Variants in NXPH1 observed in about 807,000 individuals in gnomAD.
The protein encoded by NXPH1 is neurexophilin 1.
A neutral mutation model predicts 23.7 loss-of-function variants in NXPH1; 5 were observed. That is an observed-to-expected ratio of 0.21 (90% CI 0.11 to 0.44). NXPH1 has a LOEUF of 0.44. Ranked by LOEUF, NXPH1 falls within the 20% of genes least tolerant of loss-of-function variation. The probability of loss-of-function intolerance (pLI) is 0.99; values close to 1 mark genes in which losing one functional copy is unlikely to be tolerated. For missense variants in NXPH1, 324 were observed against 321.6 expected, an observed-to-expected ratio of 1.01 and a Z score of -0.06; for synonymous variants, 144 against 122.2, an observed-to-expected ratio of 1.18 and a Z score of -1.18.
intron 2 of NXPH1, among the ~76,000 whole-genome samples, chr7:8,584,093 A>G (rs1399692921): frequency 6.6e-6 from 1 of 152,214 alleles, no homozygotes; most frequent in Non-Finnish European, 1.5e-5. Context: ...TATTAACTCA[A>G]TTAATATTCA....
chr7:8,522,557 GT>G (rs557902892), intron 2 of NXPH1, among the ~76,000 whole-genome samples: 334 of 152,094 alleles, frequency 2.2e-3, no homozygotes, highest in African/African-American at 7.3e-3. Context: ...CTCTAGCACC[GT>G]TTTTTTAAAG....
At chr7:8,717,563 C>A (rs1779897645) in intron 2 of NXPH1, among the ~76,000 whole-genome samples, 1 of 152,114 alleles carries the variant, frequency 6.6e-6, no homozygotes. Flanking sequence ...CCCTCTAAGT[C>A]CCTTTTCTGA....
intron 2 of NXPH1, among the ~76,000 whole-genome samples, chr7:8,565,766 C>T (rs74851769): frequency 1.4e-4 from 21 of 151,706 alleles, no homozygotes; most frequent in East Asian, 3.9e-4. Context: ...CTTGGCCCAT[C>T]GTTACTTTTA....
chr7:8,630,785 A>C (rs1334829254), intron 2 of NXPH1, among the ~76,000 whole-genome samples: 2 of 152,080 alleles, frequency 1.3e-5, no homozygotes, highest in East Asian at 3.9e-4. Context: ...TTTAACTTTT[A>C]ACCTTTAAGT....
At position 8,599,807 on chromosome 7, in the gene NXPH1, A is replaced by T. The variant is rs115356326; in HGVS notation, c.55-151201A>T. ...GCCCATGTTACCCTTAGATAGGAAG[A>T]TTTTTTTTTTTTTTTGGTGAAGGGA... is the stretch of plus-strand genomic sequence containing the variant. On this transcript the variant is annotated intron_variant, in intron 2 of 2. Coordinates refer to ENST00000405863, the MANE Select transcript of NXPH1 (RefSeq NM_152745.3). Among the ~76,000 whole-genome samples the T allele has an allele frequency of 9.8e-3, 1,420 of 145,208 alleles. 29 individuals carry two copies. The highest frequency in any genetic ancestry group is 0.034 in the African/African-American group (1,329 of 39,262).
At chr7:8,654,237 G>C (rs1583215852) in intron 2 of NXPH1, among the ~76,000 whole-genome samples, 1 of 151,758 alleles carries the variant, frequency 6.6e-6, no homozygotes, top group East Asian at 1.9e-4. Context: ...ATCCTTTCAA[G>C]TAAGTCATTT....
intron 2 of NXPH1, among the ~76,000 whole-genome samples, chr7:8,437,393 C>T (rs1211789333): frequency 1.6e-5 from 1 of 64,174 alleles, no homozygotes; most frequent in South Asian, 4.2e-4. Flanking sequence ...GTGAAAGCGA[C>T]GGGGGCGGGG....
chr7:8,695,575 T>G (rs1040620476), intron 2 of NXPH1, among the ~76,000 whole-genome samples: 1 of 152,302 alleles, frequency 6.6e-6, no homozygotes, highest in African/African-American at 2.4e-5. Context: ...TACCTTCTAC[T>G]TTTCTATGGT....
chr7:8,706,684 A>C (rs536480452), intron 2 of NXPH1, among the ~76,000 whole-genome samples: 1 of 152,184 alleles, frequency 6.6e-6, no homozygotes, highest in East Asian at 1.9e-4. Flanking sequence ...GCAAAACTAG[A>C]CACTATTCCT....
intron 2 of NXPH1, among the ~76,000 whole-genome samples, chr7:8,730,981 T>G (rs1439962831): frequency 6.8e-6 from 1 of 147,088 alleles, no homozygotes; most frequent in Non-Finnish European, 1.5e-5. Context: ...GGTACACCAA[T>G]CAGACGTAGA....
intron 2 of NXPH1, among the ~76,000 whole-genome samples, chr7:8,535,887 C>T (rs1453888245): frequency 6.6e-6 from 1 of 151,934 alleles, no homozygotes; most frequent in African/African-American, 2.4e-5. Context: ...CTTTTGTTCA[C>T]CTGCTGTTTC....
At chr7:8,665,057 T>C (rs1348022230) in intron 2 of NXPH1, among the ~76,000 whole-genome samples, 1 of 138,398 alleles carries the variant, frequency 7.2e-6, no homozygotes, top group Non-Finnish European at 1.6e-5. Flanking sequence ...TCACTATTGT[T>C]ACCTGTGCAT....
chr7:8,746,038 T>A (rs1446830183), intron 2 of NXPH1, among the ~76,000 whole-genome samples: 1 of 152,206 alleles, frequency 6.6e-6, no homozygotes, highest in Non-Finnish European at 1.5e-5. Context: ...CATCACACTG[T>A]GATGGCTTAA....
chr7:8,645,155 C>A (rs976482735), intron 2 of NXPH1, among the ~76,000 whole-genome samples: 2 of 152,136 alleles, frequency 1.3e-5, no homozygotes, highest in African/African-American at 4.8e-5. Flanking sequence ...TCTTCGAATG[C>A]ACACAAAGAA....
At chr7:8,659,311 T>C (rs73239981) in intron 2 of NXPH1, among the ~76,000 whole-genome samples, 4,448 of 152,224 alleles carry the variant, frequency 0.029, 207 homozygotes, top group African/African-American at 0.097. Flanking sequence ...AGGGATATTG[T>C]TTCTCAGACC....
chr7:8,465,096 A>C (rs546458690), intron 2 of NXPH1, among the ~76,000 whole-genome samples: 2 of 152,348 alleles, frequency 1.3e-5, no homozygotes, highest in South Asian at 2.1e-4. Flanking sequence ...AACTAGAAAC[A>C]GTGGGACTTA....
chr7:8,490,938 T>A (rs774799357), intron 2 of NXPH1, among the ~76,000 whole-genome samples: 6 of 152,104 alleles, frequency 3.9e-5, no homozygotes, highest in Non-Finnish European at 8.8e-5. Flanking sequence ...CATAAGAACA[T>A]TTCACAGGAC....
intron 2 of NXPH1, among the ~76,000 whole-genome samples, chr7:8,648,104 G>A (rs1002923152): frequency 6.6e-6 from 1 of 152,072 alleles, no homozygotes; most frequent in Non-Finnish European, 1.5e-5. Context: ...TGTAAAATAA[G>A]CACATCATGG....
At chr7:8,733,491 C>G (rs1780193627) in intron 2 of NXPH1, among the ~76,000 whole-genome samples, 1 of 152,272 alleles carries the variant, frequency 6.6e-6, no homozygotes, top group East Asian at 1.9e-4. Context: ...ATTTACACTC[C>G]CACCAACACT....
Sources: allele counts gnomAD v4.1 joint callset (sites outside exome capture counted in the v4.1 genomes callset), GRCh38; gene constraint gnomAD v4.1.1; transcripts MANE v1.5; gene names NCBI Gene and HGNC (gene_info 2026-07-23, HGNC 2026-07-21).